The following EML4 variants were observed in gnomAD, a reference collection of about 807,000 sequenced individuals.
EML4 encodes echinoderm microtubule-associated protein-like 4.
In EML4, 72 loss-of-function variants were observed where a neutral mutation model predicts 129.0. That is an observed-to-expected ratio of 0.56 (90% CI 0.46 to 0.68). EML4 has a LOEUF of 0.68. Ranked by LOEUF, EML4 falls within the 30% of genes least tolerant of loss-of-function variation. The pLI, the probability that EML4 is intolerant of heterozygous loss-of-function variation, is 0.00. For synonymous variants in EML4, 532 were observed against 405.0 expected (o/e 1.31, Z -3.77); for missense variants, 1,363 against 1,190.6 (o/e 1.14, Z -2.13).
chr2:42,188,132 A>G (rs1273425900), intron 1 of EML4, among the ~76,000 whole-genome samples: 3 of 152,190 alleles, frequency 2.0e-5, no homozygotes, highest in Admixed American at 6.5e-5. Context: ...CTGAAAATCA[A>G]CAGACCACAT....
chr2:42,265,447 C>T (rs1666004644), intron 6 of EML4, among the ~76,000 whole-genome samples: 1 of 152,050 alleles, frequency 6.6e-6, no homozygotes, highest in Non-Finnish European at 1.5e-5. Flanking sequence ...ACCGTGTTGG[C>T]CAGGCTGGTC....
chr2:42,290,816 G>A (rs1013428040), intron 11 of EML4, among the ~76,000 whole-genome samples: 5 of 152,006 alleles, frequency 3.3e-5, no homozygotes, highest in Non-Finnish European at 5.9e-5. Flanking sequence ...TAAAGAGGAG[G>A]GATGTTACAT....
intron 6 of EML4, among the ~76,000 whole-genome samples, chr2:42,266,525 A>G (rs955373046): frequency 3.3e-5 from 5 of 151,886 alleles, no homozygotes; most frequent in Middle Eastern, 3.4e-3. Flanking sequence ...TGTATTTATC[A>G]TAGAGATGGG....
chr2:42,268,675 C>T lies in EML4; in HGVS notation c.667+3944C>T, dbSNP rs151304744. ...CGTGTCTCAAACTTTTAGCCTCAAG[C>T]AGTCCTCCCATCTCTACCTCCCAAA... On this transcript the variant is annotated intron_variant, in intron 6 of 22. Transcript: ENST00000318522. Among the ~76,000 whole-genome samples the T allele has an allele frequency of 4.3e-3, 661 of 152,262 alleles. 2 individuals carry two copies. The highest frequency in any genetic ancestry group is 6.6e-3 in the Non-Finnish European group (447 of 68,008).
At chr2:42,237,984 G>C (rs1269454659) in intron 1 of EML4, among the ~76,000 whole-genome samples, 1 of 152,168 alleles carries the variant, frequency 6.6e-6, no homozygotes, top group Non-Finnish European at 1.5e-5. Flanking sequence ...AAAACAACCA[G>C]TTGTCCATGT....
chr2:42,279,676 G>C (rs759374293), intron 6 of EML4, among the ~76,000 whole-genome samples: 1 of 151,742 alleles, frequency 6.6e-6, no homozygotes, highest in African/African-American at 2.4e-5. Flanking sequence ...GGGTTTCACC[G>C]TGTTAGCCAC....
intron 11 of EML4, chr2:42,289,379 C>A (rs1667491630): frequency 6.6e-6 from 1 of 152,174 alleles, no homozygotes; most frequent in Non-Finnish European, 1.5e-5. Flanking sequence ...TTTTATTCCA[C>A]ATGCTCCACT....
intron 1 of EML4, among the ~76,000 whole-genome samples, chr2:42,227,677 A>T (rs1318888951): frequency 1.3e-5 from 2 of 152,226 alleles, no homozygotes; most frequent in African/African-American, 4.8e-5. Context: ...TAAGGCAGCA[A>T]GAACAACCCC....
chr2:42,291,073 T>C (rs754772034), intron 11 of EML4, among the ~76,000 whole-genome samples: 1 of 152,164 alleles, frequency 6.6e-6, no homozygotes, highest in Non-Finnish European at 1.5e-5. Flanking sequence ...TGGAAGAGAA[T>C]ATAGAAACAG....
chr2:42,312,119 A>C (rs1172275031), intron 17 of EML4, among the ~76,000 whole-genome samples: 1 of 152,228 alleles, frequency 6.6e-6, no homozygotes, highest in East Asian at 1.9e-4. Flanking sequence ...CACATATGAA[A>C]GATATTTACC....
intron 16 of EML4, among the ~76,000 whole-genome samples, chr2:42,303,721 C>A (rs545445691): frequency 9.2e-5 from 14 of 152,092 alleles, no homozygotes; most frequent in Non-Finnish European, 1.3e-4. Flanking sequence ...GTCAGGAGAT[C>A]GAGACCATCC....
chr2:42,181,944 G>A (rs1317554821), intron 1 of EML4, among the ~76,000 whole-genome samples: 1 of 152,106 alleles, frequency 6.6e-6, no homozygotes, highest in Non-Finnish European at 1.5e-5. Flanking sequence ...GTACATATGT[G>A]TGTGGCAATA....
intron 1 of EML4, among the ~76,000 whole-genome samples, chr2:42,232,989 T>A (rs1358205789): frequency 6.6e-6 from 1 of 152,216 alleles, no homozygotes; most frequent in African/African-American, 2.4e-5. Context: ...CCCAAAGTGC[T>A]GGGATTACAG....
chr2:42,209,484 G>A (rs551557978), intron 1 of EML4, among the ~76,000 whole-genome samples: 4 of 152,248 alleles, frequency 2.6e-5, no homozygotes, highest in African/African-American at 9.6e-5. Context: ...CTAGTAGGTG[G>A]TGAAACTTTG....
At chr2:42,263,564 C>G (rs1305575980) in intron 5 of EML4, among the ~76,000 whole-genome samples, 1 of 151,266 alleles carries the variant, frequency 6.6e-6, no homozygotes, top group Non-Finnish European at 1.5e-5. Flanking sequence ...GCCACCATGC[C>G]CAGCTAATTT....
chr2:42,273,449 G>C (rs1175245149), intron 6 of EML4, among the ~76,000 whole-genome samples: 1 of 152,160 alleles, frequency 6.6e-6, no homozygotes. Flanking sequence ...GATTAAAGGA[G>C]TTTAGGTTCA....
chr2:42,286,278 C>T lies in EML4; in HGVS notation c.1021C>T (p.Pro341Ser), dbSNP rs758543189. The T allele has an allele frequency of 5.0e-6, 8 of 1,609,880 alleles. No homozygotes were observed. The highest frequency in any genetic ancestry group is 6.8e-6 in the Non-Finnish European group (8 of 1,176,256). Reference sequence around the variant, plus strand: ...TCTTGTGTTTTTGCAGCCTCTACAACCCCACGTCAGAGTGTGGGATTCTGT... The same window carrying T: ...TCTTGTGTTTTTGCAGCCTCTACAATCCCACGTCAGAGTGTGGGATTCTGT... Reference protein sequence around the residue: ...GVDKDGRPLQPHVRVWDSVTL... With the variant: ...GVDKDGRPLQSHVRVWDSVTL... Residue 341 changes from proline (P) to serine (S), a missense_variant, in exon 10 of 23, where the codon CCC (proline) becomes TCC (serine). By Grantham distance (74) the Pro-to-Ser change is moderately conservative. Transcript: ENST00000318522.
intron 1 of EML4, among the ~76,000 whole-genome samples, chr2:42,231,336 A>T (rs1265605235): frequency 2.0e-5 from 3 of 152,140 alleles, no homozygotes; most frequent in African/African-American, 7.2e-5. Flanking sequence ...CAAGTCATCA[A>T]TTCTCACAAC....
At chr2:42,197,221 C>G (rs12472907) in intron 1 of EML4, among the ~76,000 whole-genome samples, 39,537 of 151,910 alleles carry the variant, frequency 0.26, 6,195 homozygotes, top group East Asian at 0.56. Flanking sequence ...CACCACCACT[C>G]CTGGCTAATT....
Sources: gnomAD v4.1 joint callset for allele counts (sites outside exome capture counted in the v4.1 genomes callset) on GRCh38, gnomAD v4.1.1 for gene constraint, MANE v1.5 for transcripts, NCBI Gene and HGNC (gene_info 2026-07-23, HGNC 2026-07-21) for gene names.